The following FARS2 variants were observed in gnomAD, a reference collection of about 807,000 sequenced individuals.
The protein encoded by FARS2 is phenylalanyl-tRNA synthetase 2, mitochondrial.
In FARS2, 40 loss-of-function variants were observed where a neutral mutation model predicts 46.4. The observed-to-expected ratio is 0.86, with a 90% CI of 0.67 to 1.12. FARS2 has a LOEUF of 1.12. Among genes scored for constraint, FARS2 ranks in the 50% most tolerant of loss-of-function variants. FARS2 has a pLI of 0.00. For synonymous variants in FARS2, 234 were observed against 214.9 expected (o/e 1.09, Z -0.78); for missense variants, 513 against 567.9 (o/e 0.90, Z 0.98).
chr6:5,333,009 T>C (rs1003972414), intron 1 of FARS2, among the ~76,000 whole-genome samples: 7 of 152,256 alleles, frequency 4.6e-5, no homozygotes, highest in Non-Finnish European at 1.0e-4. Flanking sequence ...TTTTCTTATA[T>C]GATCTTTTGA....
chr6:5,618,708 C>A (rs1007637068), intron 6 of FARS2, among the ~76,000 whole-genome samples: 4 of 152,204 alleles, frequency 2.6e-5, no homozygotes, highest in African/African-American at 9.6e-5. Flanking sequence ...TCATTTAGAA[C>A]CTTCTCCCAG....
intron 6 of FARS2, among the ~76,000 whole-genome samples, chr6:5,698,879 G>A (rs544549664): frequency 1.3e-5 from 2 of 152,284 alleles, no homozygotes; most frequent in South Asian, 2.1e-4. Flanking sequence ...GCTGGTCTGT[G>A]GGGGATCTTC....
chr6:5,760,875 A>G (rs1249472771), intron 6 of FARS2, among the ~76,000 whole-genome samples: 1 of 152,198 alleles, frequency 6.6e-6, no homozygotes, highest in Admixed American at 6.5e-5. Flanking sequence ...GACAGGGTGA[A>G]CCACTTTGTG....
intron 4 of FARS2, among the ~76,000 whole-genome samples, chr6:5,541,155 A>G (rs1770606427): frequency 1.3e-5 from 2 of 152,180 alleles, no homozygotes. Flanking sequence ...TATATCATTT[A>G]AATCATTACA....
At position 5,471,132 on chromosome 6, in the gene FARS2, AC is replaced by A. The variant is rs1253996783; in HGVS notation, c.904+39963del. ...AGGGGTTTCAGCCACTGAGAGACTG[AC>A]CCAGAAGCAGCAGTAGAGGGCGCTC... On this transcript the variant is annotated intron_variant, in intron 4 of 6. Transcript: ENST00000274680. This position sits in a 1 kb window ranked among gnomAD's most constrained non-coding sequence, Gnocchi z 4.1. 6.6e-6 allele frequency among the ~76,000 whole-genome samples: 1 copy of A among 152,184 alleles called. No individual in the cohort carries two copies. Among genetic ancestry groups the A allele is most frequent in the African/African-American group, 2.4e-5 (1 of 41,440 alleles).
At chr6:5,691,222 T>C (rs1757691490) in intron 6 of FARS2, among the ~76,000 whole-genome samples, 1 of 152,232 alleles carries the variant, frequency 6.6e-6, no homozygotes, top group Admixed American at 6.5e-5. Context: ...CTTTGTTCCA[T>C]TGCTGGTGAG....
chr6:5,474,641 G>A (rs1208069782), intron 4 of FARS2, among the ~76,000 whole-genome samples: 3 of 149,398 alleles, frequency 2.0e-5, no homozygotes, highest in Non-Finnish European at 4.4e-5. Context: ...ACATAGAAAA[G>A]GTACAATAAA....
intron 6 of FARS2, among the ~76,000 whole-genome samples, chr6:5,615,890 A>G (rs998639149): frequency 1.4e-5 from 2 of 145,296 alleles, no homozygotes; most frequent in South Asian, 2.2e-4. Flanking sequence ...ATTTTCTTGT[A>G]TAGGTCTTCC....
chr6:5,570,596 C>T (rs1772582462), intron 5 of FARS2, among the ~76,000 whole-genome samples: 1 of 152,124 alleles, frequency 6.6e-6, no homozygotes, highest in South Asian at 2.1e-4. Flanking sequence ...ACACCTGCTG[C>T]ACAGAAAATT....
intron 1 of FARS2, among the ~76,000 whole-genome samples, chr6:5,341,837 A>C (rs1581830566): frequency 1.3e-5 from 2 of 152,134 alleles, no homozygotes; most frequent in East Asian, 3.9e-4. Flanking sequence ...TCATAACTTT[A>C]TATTCTGCTG....
rs1334413048 is a variant in FARS2, at chr6:5,369,149, G to A, written c.579G>A (p.Gln193=). ...CCCAGCACTACCCTATTTTCCACCA[G>A]CTGGAGGCCGTGCGGCTCTTCTCCA... ...IDSQHYPIFH[Q]LEAVRLFSKH... The change falls in exon 2 of 7, where the codon CAG becomes CAA. Residue 193 remains glutamine (Q), a synonymous_variant. Coordinates refer to ENST00000274680, the MANE Select transcript of FARS2 (RefSeq NM_006567.5). 5.6e-6 allele frequency: 9 copies of A among 1,610,466 alleles called. No homozygotes were observed. Among genetic ancestry groups the A allele is most frequent in the Non-Finnish European group, 7.6e-6 (9 of 1,179,982 alleles).
intron 4 of FARS2, 58 bp downstream of exon 4, chr6:5,431,230 GGCAGCCCCGTT>G: frequency 6.3e-7 from 1 of 1,578,970 alleles, no homozygotes; most frequent in Non-Finnish European, 8.7e-7. Flanking sequence ...TCCCTTCTCA[GGCAGCCCCGTT>G]GCACACTTGT....
chr6:5,460,332 G>A lies in FARS2; in HGVS notation c.904+29160G>A, dbSNP rs958108819. Among the ~76,000 whole-genome samples the A allele has an allele frequency of 4.6e-5, 7 of 152,138 alleles. No homozygotes were observed. In the East Asian group the frequency reaches 5.8e-4, roughly 13 times the overall value. ...TGCCTAGGCAGGCTGTTCTTTTATC[G>A]TATAGGTATACTGCTTCCTGTGTCT... On this transcript the variant is annotated intron_variant, in intron 4 of 6. Transcript: ENST00000274680.
intron 6 of FARS2, among the ~76,000 whole-genome samples, chr6:5,616,091 C>A (rs1240191943): frequency 6.6e-6 from 1 of 150,996 alleles, no homozygotes; most frequent in African/African-American, 2.4e-5. Context: ...CTGAGATGTG[C>A]CACTCTGTGT....
At chr6:5,611,773 C>T (rs1775198555) in intron 5 of FARS2, among the ~76,000 whole-genome samples, 1 of 152,128 alleles carries the variant, frequency 6.6e-6, no homozygotes. Flanking sequence ...TGACTGTTGT[C>T]CATGAATTGT....
chr6:5,355,378 T>G (rs1347346215), intron 1 of FARS2, among the ~76,000 whole-genome samples: 1 of 149,762 alleles, frequency 6.7e-6, no homozygotes, highest in Non-Finnish European at 1.5e-5. Flanking sequence ...CTTTTTGTTT[T>G]TTTTTTTTTT....
At chr6:5,300,040 T>C (rs576455117) in intron 1 of FARS2, among the ~76,000 whole-genome samples, 2 of 152,352 alleles carry the variant, frequency 1.3e-5, no homozygotes, top group Non-Finnish European at 2.9e-5. Context: ...AGATGTCAAA[T>C]TTAAAAATGT....
intron 1 of FARS2, among the ~76,000 whole-genome samples, chr6:5,296,404 G>T (rs1767891464): frequency 6.6e-6 from 1 of 152,154 alleles, no homozygotes; most frequent in African/African-American, 2.4e-5. Context: ...GCCTCCCAAA[G>T]TGCTGGGATT....
chr6:5,416,009 A>G (rs1200214912), intron 3 of FARS2, among the ~76,000 whole-genome samples: 1 of 152,096 alleles, frequency 6.6e-6, no homozygotes, highest in African/African-American at 2.4e-5. Flanking sequence ...GCCTGGCCCT[A>G]TTATCTTTTT....
Sources: gnomAD v4.1 joint callset for allele counts (sites outside exome capture counted in the v4.1 genomes callset) on GRCh38, gnomAD v4.1.1 for gene constraint, Gnocchi (gnomAD v3.1) non-coding constraint, MANE v1.5 for transcripts, NCBI Gene and HGNC (gene_info 2026-07-23, HGNC 2026-07-21) for gene names.